The following PRUNE2 variants were observed in gnomAD, a reference collection of about 807,000 sequenced individuals.
PRUNE2 encodes prune homolog 2 with BCH domain, also known as protein prune homolog 2.
PRUNE2 carries 164 observed loss-of-function variants against 252.0 expected under a neutral mutation model. The ratio of observed to expected loss-of-function variants is 0.65; its 90% CI spans 0.57 to 0.74. The LOEUF (loss-of-function observed/expected upper bound fraction) is 0.74, where lower values mean the gene tolerates loss of function less well. PRUNE2 is among the 30% of genes least tolerant of loss of function. The pLI, the probability that PRUNE2 is intolerant of heterozygous loss-of-function variation, is 0.00. For missense variants in PRUNE2, 3,495 were observed against 3,711.0 expected (o/e 0.94, Z 1.51); for synonymous variants, 1,292 against 1,350.2 (o/e 0.96, Z 0.94).
intron 12 of PRUNE2, among the ~76,000 whole-genome samples, chr9:76,641,413 C>T (rs1288962115): frequency 1.3e-5 from 2 of 152,070 alleles, no homozygotes; most frequent in Non-Finnish European, 2.9e-5. Context: ...TCAGGTAATA[C>T]TGTAATTTTT....
chr9:76,646,346 A>G (rs1844837807), intron 11 of PRUNE2, among the ~76,000 whole-genome samples: 1 of 152,226 alleles, frequency 6.6e-6, no homozygotes, highest in African/African-American at 2.4e-5. Context: ...AGAATCTGCA[A>G]TTATATATTC....
Position 76,709,748 on chromosome 9 carries a change from G to A in PRUNE2, c.2526C>T (p.Ala842=). The A allele has an allele frequency of 6.2e-7, 1 of 1,613,958 alleles. No individual in the cohort carries two copies. Among genetic ancestry groups the A allele is most frequent in the Non-Finnish European group, 8.5e-7 (1 of 1,179,872 alleles). ...TGTCCAGTAGTTCTGAAGAAGAAAA[G>A]GCAAACCCACTTTTTGCCATGGCCC... ...NEWAMAKSGF[A]FSSSELLDNS... Residue 842 remains alanine, a synonymous_variant, in exon 8 of 19, where the codon GCC becomes GCT. Coordinates refer to ENST00000376718, the MANE Select transcript of PRUNE2 (RefSeq NM_015225.3).
intron 6 of PRUNE2, among the ~76,000 whole-genome samples, chr9:76,792,671 A>C (rs2055669217): frequency 6.6e-6 from 1 of 152,136 alleles, no homozygotes; most frequent in South Asian, 2.1e-4. Context: ...AAAGATAAAT[A>C]TTTTTTCACA....
intron 9 of PRUNE2, among the ~76,000 whole-genome samples, chr9:76,695,579 T>G (rs1009974711): frequency 1.8e-4 from 28 of 152,246 alleles, no homozygotes; most frequent in East Asian, 1.9e-4. Context: ...AAAGATGGAT[T>G]TGGTAACTTG....
rs2063388456 is a variant in PRUNE2 at position 76,904,855 on chromosome 9, T to C, written c.36+1073A>G. Among the ~76,000 whole-genome samples, 3 of 152,356 alleles carry C rather than the reference T, an allele frequency of 2.0e-5. No individual in the cohort carries two copies. The South Asian group carries it at 6.2e-4, about 32-fold the overall frequency. On this transcript the variant is annotated intron_variant, in intron 1 of 18. Coordinates refer to ENST00000376718, the MANE Select transcript of PRUNE2 (RefSeq NM_015225.3). ...CTCTGAATGGTGGTTCAGGCATCTTTGGGCCCTCCCTTCCTGCACTCCCTT... is the reference window on the plus strand; with the variant it reads ...CTCTGAATGGTGGTTCAGGCATCTTCGGGCCCTCCCTTCCTGCACTCCCTT...
At chr9:76,861,657 T>G (rs964180153) in intron 1 of PRUNE2, among the ~76,000 whole-genome samples, 1 of 152,208 alleles carries the variant, frequency 6.6e-6, no homozygotes, top group Non-Finnish European at 1.5e-5. Context: ...GCCTGTTTGC[T>G]GCCCATCTTG....
chr9:76,627,045 A>G (rs1470958053), intron 16 of PRUNE2, among the ~76,000 whole-genome samples: 1 of 151,974 alleles, frequency 6.6e-6, no homozygotes. Flanking sequence ...ACTAGAAGAG[A>G]GAATGTCCTT....
chr9:76,791,673 G>A (rs1475248501), intron 6 of PRUNE2, among the ~76,000 whole-genome samples: 1 of 152,178 alleles, frequency 6.6e-6, no homozygotes, highest in African/African-American at 2.4e-5. Flanking sequence ...GACTTCCTGA[G>A]TTTTATCTCA....
At chr9:76,872,094 C>T (rs1178841714) in intron 1 of PRUNE2, among the ~76,000 whole-genome samples, 1 of 152,010 alleles carries the variant, frequency 6.6e-6, no homozygotes, top group Non-Finnish European at 1.5e-5. Context: ...CACAAGAGTC[C>T]TTGGCACCTG....
chr9:76,902,605 T>C (rs1425728862), intron 1 of PRUNE2, among the ~76,000 whole-genome samples: 2 of 152,204 alleles, frequency 1.3e-5, no homozygotes, highest in Non-Finnish European at 2.9e-5. Flanking sequence ...GCTTTAACAA[T>C]CCTCGTGTCA....
intron 1 of PRUNE2, among the ~76,000 whole-genome samples, chr9:76,900,790 A>G (rs2063123456): frequency 6.6e-6 from 1 of 152,140 alleles, no homozygotes; most frequent in Non-Finnish European, 1.5e-5. Context: ...CTCACTGCTC[A>G]GGTAACATTC....
chr9:76,854,077 A>G, intron 2 of PRUNE2, 27 bp downstream of exon 2: 4 of 1,077,382 alleles, frequency 3.7e-6, no homozygotes, highest in Non-Finnish European at 5.6e-6. Flanking sequence ...TTCAAAATAT[A>G]AGGAGTATTA....
At position 76,850,604 on chromosome 9, in the gene PRUNE2, T is replaced by C. The variant is rs1368112945; in HGVS notation, c.203A>G (p.Tyr68Cys). The change falls in exon 3 of 19, where the codon TAC (tyrosine) becomes TGC (cysteine). Residue 68 changes from tyrosine (Y) to cysteine (C), a missense_variant. By Grantham distance (194) the Tyr-to-Cys change is radical (BLOSUM62 -2). Coordinates refer to ENST00000376718, the MANE Select transcript of PRUNE2 (RefSeq NM_015225.3). ...TAAAATAAACCTCGTCTCGGTGAAGTAGTTGAATTCAGTTCTTGGTATGTT... is the reference window on the plus strand; with the variant it reads ...TAAAATAAACCTCGTCTCGGTGAAGCAGTTGAATTCAGTTCTTGGTATGTT... ...VLNIPRTEFN[Y>C]FTETRFILEE... The C allele has an allele frequency of 1.9e-6, 3 of 1,614,058 alleles. No individual in the cohort carries two copies. The highest frequency in any genetic ancestry group is 1.1e-5 in the South Asian group (1 of 91,084).
At chr9:76,833,886 G>T (rs1415646697) in intron 4 of PRUNE2, among the ~76,000 whole-genome samples, 13 of 141,310 alleles carry the variant, frequency 9.2e-5, no homozygotes, top group African/African-American at 2.1e-4. Context: ...GGGTTTTTTT[G>T]TTTTTTTTTT....
At chr9:76,739,777 T>C (rs1446427216) in intron 6 of PRUNE2, 1 of 152,174 alleles carries the variant, frequency 6.6e-6, no homozygotes. Flanking sequence ...CAGACCTGGA[T>C]TAATTCTCAA....
intron 4 of PRUNE2, among the ~76,000 whole-genome samples, chr9:76,838,558 T>C (rs1252972674): frequency 6.7e-6 from 1 of 149,992 alleles, no homozygotes; most frequent in African/African-American, 2.5e-5. Flanking sequence ...GGCAGGAGAA[T>C]TGCTTGAACC....
In PRUNE2 at chr9:76,798,567, T is replaced by C. The variant is rs1233952274; in HGVS notation, c.756+25065A>G. ...ACACTTGAGTTGCTTCCTTGGCTAC[T>C]GTGTATAGTGCTGCTATGAACATGG... On this transcript the variant is annotated intron_variant, in intron 6 of 18. Coordinates refer to ENST00000376718, the MANE Select transcript of PRUNE2 (RefSeq NM_015225.3). 2.6e-5 allele frequency among the ~76,000 whole-genome samples: 4 copies of C among 152,326 alleles called. No individual in the cohort carries two copies. In the East Asian group the frequency reaches 5.8e-4, roughly 22 times the overall value.
chr9:76,823,683 C>T lies in PRUNE2; in HGVS notation c.705G>A (p.Leu235=). Residue 235 remains leucine (L), a synonymous_variant, in exon 6 of 19, where the codon CTG becomes CTA. Coordinates refer to ENST00000376718, the MANE Select transcript of PRUNE2 (RefSeq NM_015225.3). The part of the protein sequence containing the change: ...EQTMLKDLKE[L]SDGEIKVAIS... ...TGGCCACTTTTATTTCTCCATCTGA[C>T]AGCTCCTTTAGATCTTTCAACATTG... 1 of 1,612,212 alleles carries T rather than the reference C, an allele frequency of 6.2e-7. No homozygotes were observed. The highest frequency in any genetic ancestry group is 1.1e-5 in the South Asian group (1 of 91,044).
intron 9 of PRUNE2, among the ~76,000 whole-genome samples, chr9:76,676,415 C>T (rs1004522022): frequency 1.4e-4 from 22 of 151,758 alleles, no homozygotes; most frequent in African/African-American, 5.3e-4. Flanking sequence ...TAAGACGTAT[C>T]TAATGAAAAC....
Sources: allele counts gnomAD v4.1 joint callset (sites outside exome capture counted in the v4.1 genomes callset), GRCh38; gene constraint gnomAD v4.1.1; transcripts MANE v1.5; gene names NCBI Gene and HGNC (gene_info 2026-07-23, HGNC 2026-07-21).